The following L3MBTL1 variants were observed in gnomAD, a reference collection of about 807,000 sequenced individuals.
The protein encoded by L3MBTL1 is lethal(3)malignant brain tumor-like protein 1.
A neutral mutation model predicts 105.3 loss-of-function variants in L3MBTL1; 75 were observed. The observed-to-expected ratio is 0.71, with a 90% confidence interval of 0.59 to 0.86. The LOEUF is 0.86. Among genes scored for constraint, L3MBTL1 ranks in the 40% least tolerant of loss-of-function variants. The pLI is 0.00. For missense variants in L3MBTL1, 1,069 were observed against 1,126.4 expected (o/e 0.95, Z 0.73); for synonymous variants, 452 against 436.2 (o/e 1.04, Z -0.45).
Position 43,533,290 on chromosome 20 carries a change from G to A in L3MBTL1, c.1437-52G>A, listed in dbSNP as rs1309456788. 3.2e-6 allele frequency: 5 copies of A among 1,549,032 alleles called. No individual in the cohort carries two copies. The African/African-American group carries it at 6.8e-5, about 21-fold the overall frequency. On this transcript the variant is annotated intron_variant, in intron 12 of 21. Transcript: ENST00000418998. Reference sequence around the variant, plus strand: ...TGAGCCATGCTTTCAGAGGATGGCAGGCTCAGGGCCTCAAGTTTCTCTTGG... The same window carrying A: ...TGAGCCATGCTTTCAGAGGATGGCAAGCTCAGGGCCTCAAGTTTCTCTTGG...
intron 18 of L3MBTL1, among the ~76,000 whole-genome samples, chr20:43,547,910 C>T (rs1374010320): frequency 6.6e-6 from 1 of 152,150 alleles, no homozygotes; most frequent in Non-Finnish European, 1.5e-5. Flanking sequence ...CCATTGCTGT[C>T]TTCCTTTTTT....
At chr20:43,529,881 A>C (rs1453314806) in intron 9 of L3MBTL1, among the ~76,000 whole-genome samples, 1 of 152,216 alleles carries the variant, frequency 6.6e-6, no homozygotes, top group Admixed American at 6.5e-5. Context: ...CATGGAACAG[A>C]CTGCTACCTT....
In L3MBTL1 at chr20:43,534,869, C is replaced by T. The variant is rs770545746; in HGVS notation, c.1752C>T (p.Ile584=). The change falls in exon 16 of 22, where the codon ATC becomes ATT. Residue 584 remains isoleucine, a synonymous_variant. Coordinates refer to ENST00000418998, the MANE Select transcript of L3MBTL1 (RefSeq NM_001377303.1). ...DGWSHGYDFW[I]DADHPDIHPA... is the part of the protein sequence containing the mutation. ...GGAGTCATGGCTATGATTTCTGGAT[C>T]GACGCTGACCACCCAGACATCCACC... 21 of 1,610,604 alleles carry T rather than the reference C, an allele frequency of 1.3e-5. No homozygotes were observed. In the Admixed American group the frequency reaches 1.7e-4, roughly 13 times the overall value.
At chr20:43,516,295 G>A (rs1307340220) in intron 7 of L3MBTL1, 118 bp downstream of exon 7, 2 of 729,610 alleles carry the variant, frequency 2.7e-6, no homozygotes, top group Admixed American at 2.1e-5. Flanking sequence ...AAATGAGCAT[G>A]AGTTAGTGTG....
exon 19 of L3MBTL1, chr20:43,548,331 C>T (rs1233993025): frequency 8.9e-7 from 1 of 1,120,632 alleles, no homozygotes; most frequent in Admixed American, 2.4e-5. Context: ...TTCCTCATAC[C>T]CCACACGTCC....
chr20:43,524,189 T>C (rs1044603747), intron 7 of L3MBTL1, among the ~76,000 whole-genome samples: 1 of 152,228 alleles, frequency 6.6e-6, no homozygotes, highest in African/African-American at 2.4e-5. Context: ...AATTTTACTT[T>C]TCTAACTTCA....
chr20:43,520,310 A>G (rs2018642200), intron 7 of L3MBTL1, among the ~76,000 whole-genome samples: 1 of 152,216 alleles, frequency 6.6e-6, no homozygotes, highest in Non-Finnish European at 1.5e-5. Context: ...TGATGGACAT[A>G]TGGATTGCTT....
chr20:43,530,175 G>A, intron 9 of L3MBTL1, 109 bp from the exon 10 acceptor site: 3 of 1,385,410 alleles, frequency 2.2e-6, no homozygotes, highest in Non-Finnish European at 3.0e-6. Context: ...TGGGGAACCT[G>A]CTAGCATTAG....
At chr20:43,526,621 C>A (rs1331318387) in intron 7 of L3MBTL1, among the ~76,000 whole-genome samples, 3 of 152,178 alleles carry the variant, frequency 2.0e-5, no homozygotes. Flanking sequence ...CAGTTGAGAT[C>A]TCAAGGTTTG....
chr20:43,516,176 T>C lies in L3MBTL1; in HGVS notation c.861T>C (p.Pro287=). 2.5e-6 allele frequency: 4 copies of C among 1,612,952 alleles called. No homozygotes were observed. The highest frequency in any genetic ancestry group is 3.4e-6 in the Non-Finnish European group (4 of 1,179,038). The change falls in exon 7 of 22, where the codon CCT becomes CCC. Residue 287 remains proline (P), a splice_region_variant and synonymous_variant. Coordinates refer to ENST00000418998, the MANE Select transcript of L3MBTL1 (RefSeq NM_001377303.1). Reference sequence around the variant, plus strand: ...GTGAGGAGTGGAGCAGCAGCCAGCCTGGTACGGTGGCTTGTGTGTATATAT... The same window carrying C: ...GTGAGGAGTGGAGCAGCAGCCAGCCCGGTACGGTGGCTTGTGTGTATATAT... The part of the protein sequence containing the change: ...PESEEWSSSQ[P]ATGEKKECWS...
At chr20:43,512,034 C>G (rs1484159126) in intron 1 of L3MBTL1, among the ~76,000 whole-genome samples, 1 of 151,946 alleles carries the variant, frequency 6.6e-6, no homozygotes, top group Non-Finnish European at 1.5e-5. Context: ...AAGCAGAGGT[C>G]AGATTTTCTA....
chr20:43,543,769 A>T (rs925407854), downstream of L3MBTL1, among the ~76,000 whole-genome samples: 3 of 152,178 alleles, frequency 2.0e-5, no homozygotes, highest in Admixed American at 6.5e-5. Context: ...ATGAGTGAGG[A>T]ATTAGAGCAA....
intron 3 of L3MBTL1, 84 bp downstream of exon 3, chr20:43,514,145 G>A: frequency 8.5e-7 from 1 of 1,177,442 alleles, no homozygotes; most frequent in Non-Finnish European, 1.2e-6. Context: ...GACCTGAGAC[G>A]GAAGTGGGGG....
chr20:43,518,292 G>A (rs141190742), intron 7 of L3MBTL1, among the ~76,000 whole-genome samples: 1 of 152,152 alleles, frequency 6.6e-6, no homozygotes. Context: ...GGGATTGCTT[G>A]AGTTTCTTGT....
intron 18 of L3MBTL1, among the ~76,000 whole-genome samples, chr20:43,547,611 C>A (rs552759877): frequency 6.6e-6 from 1 of 152,112 alleles, no homozygotes. Flanking sequence ...CCCTGCCCCC[C>A]TCTGCTTTTG....
chr20:43,513,559 G>A lies in L3MBTL1; in HGVS notation c.56G>A (p.Gly19Glu), dbSNP rs1338211562. ...AGGACACTGAAGGGGCCTTCCACAGGGGAGGTCAGCATGCACTTGGTGGCC... is the reference window on the plus strand; with the variant it reads ...AGGACACTGAAGGGGCCTTCCACAGAGGAGGTCAGCATGCACTTGGTGGCC... ...MLRTLKGPST[G>E]EVSMHLVAGD... The change falls in exon 2 of 22, where the codon GGG (glycine) becomes GAG (glutamate). Residue 19 changes from glycine to glutamate, a missense_variant. By Grantham distance (98) the Gly-to-Glu change is moderately conservative. Coordinates refer to ENST00000418998, the MANE Select transcript of L3MBTL1 (RefSeq NM_001377303.1). The A allele has an allele frequency of 1.3e-6, 2 of 1,550,716 alleles. No individual in the cohort carries two copies.
chr20:43,532,765 T>TC lies in L3MBTL1; in HGVS notation c.1285-4dup. On this transcript the variant is annotated splice_region_variant and splice_polypyrimidine_tract_variant and intron_variant, in intron 11 of 21. Coordinates refer to ENST00000418998, the MANE Select transcript of L3MBTL1 (RefSeq NM_001377303.1). ...CCCTGGCCGTGGCAGCTCCTTTTTT[T>TC]CCCCTAGAGTCCCCCACCCCTGGGC... 6.2e-7 allele frequency: 1 copy of TC among 1,614,052 alleles called. No homozygotes were observed. Among genetic ancestry groups the TC allele is most frequent in the Non-Finnish European group, 8.5e-7 (1 of 1,179,952 alleles).
At chr20:43,550,075 G>A (rs1978886232) in exon 19 of L3MBTL1, 1 of 152,152 alleles carries the variant, frequency 6.6e-6, no homozygotes, top group African/African-American at 2.4e-5. Flanking sequence ...GCGAAGGTTG[G>A]GTTTACAAGG....
chr20:43,543,783 G>A (rs774456239), downstream of L3MBTL1, among the ~76,000 whole-genome samples: 30 of 152,228 alleles, frequency 2.0e-4, no homozygotes, highest in Non-Finnish European at 3.5e-4. Context: ...AGAGCAAAGT[G>A]CATAGATGGT....
Sources: allele counts gnomAD v4.1 joint callset (sites outside exome capture counted in the v4.1 genomes callset), GRCh38; gene constraint gnomAD v4.1.1; transcripts MANE v1.5; gene names NCBI Gene and HGNC (gene_info 2026-07-23, HGNC 2026-07-21).